GALNTL6: variants seen among roughly 807,000 people sequenced by gnomAD.
GALNTL6 encodes the protein polypeptide N-acetylgalactosaminyltransferase-like 6.
Under a neutral mutation model 73.7 loss-of-function variants are expected in GALNTL6, and 46 were observed. That is an observed-to-expected ratio of 0.62 (90% confidence interval 0.49 to 0.80). The LOEUF is 0.80. Ranked by LOEUF, GALNTL6 falls within the 30% of genes least tolerant of loss-of-function variation. The probability of loss-of-function intolerance (pLI) is 0.00; values close to 1 mark genes in which losing one functional copy is unlikely to be tolerated. For missense variants in GALNTL6, 604 were observed against 755.0 expected (o/e 0.80, Z 2.34); for synonymous variants, 259 against 263.7 (o/e 0.98, Z 0.17).
intron 8 of GALNTL6, among the ~76,000 whole-genome samples, chr4:172,913,599 A>C (rs561992023): frequency 2.6e-5 from 4 of 152,336 alleles, no homozygotes; most frequent in African/African-American, 9.6e-5. Flanking sequence ...ACGCATGCAC[A>C]AGCTTCAGTA....
At chr4:171,822,796 A>G (rs549816302) in intron 2 of GALNTL6, among the ~76,000 whole-genome samples, 4 of 152,340 alleles carry the variant, frequency 2.6e-5, no homozygotes, top group African/African-American at 7.2e-5. Flanking sequence ...TTAAAAAGGC[A>G]TATGTACACT....
chr4:172,242,209 T>A (rs1737459831), intron 3 of GALNTL6, among the ~76,000 whole-genome samples: 1 of 152,166 alleles, frequency 6.6e-6, no homozygotes. Context: ...GAAAATGCAA[T>A]TGCTTGGATA....
intron 2 of GALNTL6, among the ~76,000 whole-genome samples, chr4:171,986,236 T>G (rs1422063565): frequency 6.6e-6 from 1 of 151,278 alleles, no homozygotes; most frequent in Non-Finnish European, 1.5e-5. Flanking sequence ...TGGGGCTGTT[T>G]TATAGGATTT....
At chr4:172,670,072 A>G (rs910509148) in intron 5 of GALNTL6, among the ~76,000 whole-genome samples, 1 of 152,198 alleles carries the variant, frequency 6.6e-6, no homozygotes, top group African/African-American at 2.4e-5. Flanking sequence ...TTTATCATTG[A>G]TGGGCATTTA....
chr4:172,557,503 A>G (rs746410234), intron 5 of GALNTL6, among the ~76,000 whole-genome samples: 2 of 152,186 alleles, frequency 1.3e-5, no homozygotes, highest in Non-Finnish European at 2.9e-5. Flanking sequence ...TATCCAGCTG[A>G]AAAATTTATC....
chr4:172,072,657 A>G (rs1220569129), intron 2 of GALNTL6, among the ~76,000 whole-genome samples: 1 of 152,136 alleles, frequency 6.6e-6, no homozygotes, highest in Non-Finnish European at 1.5e-5. Context: ...TGTTCAGGCT[A>G]AAACTTAGGG....
chr4:172,025,467 A>G (rs1263047278), intron 2 of GALNTL6, among the ~76,000 whole-genome samples: 1 of 151,996 alleles, frequency 6.6e-6, no homozygotes, highest in Non-Finnish European at 1.5e-5. Flanking sequence ...GACTGCCTAG[A>G]GCTGGTGTTG....
chr4:172,815,037 A>G (rs1659270644), intron 7 of GALNTL6, among the ~76,000 whole-genome samples: 1 of 152,164 alleles, frequency 6.6e-6, no homozygotes, highest in African/African-American at 2.4e-5. Context: ...CTTTTTAGTA[A>G]TCTAAGCAAA....
chr4:172,565,875 C>A (rs1187995344), intron 5 of GALNTL6, among the ~76,000 whole-genome samples: 1 of 151,984 alleles, frequency 6.6e-6, no homozygotes, highest in Non-Finnish European at 1.5e-5. Context: ...ATCTAGAGAG[C>A]AAGAGTGATG....
chr4:171,940,728 G>A (rs1358430249), intron 2 of GALNTL6, among the ~76,000 whole-genome samples: 2 of 151,916 alleles, frequency 1.3e-5, no homozygotes, highest in Non-Finnish European at 2.9e-5. Context: ...GGAGGCAGGA[G>A]AATGGTGTAA....
intron 2 of GALNTL6, among the ~76,000 whole-genome samples, chr4:172,150,166 T>C (rs1226784880): frequency 6.6e-6 from 1 of 152,232 alleles, no homozygotes; most frequent in East Asian, 1.9e-4. Context: ...TTTAAGGTTT[T>C]TCCTCAGTCC....
At chr4:172,138,261 C>T (rs1321777748) in intron 2 of GALNTL6, among the ~76,000 whole-genome samples, 4 of 150,502 alleles carry the variant, frequency 2.7e-5, no homozygotes, top group African/African-American at 4.9e-5. Context: ...TTACGCAGAC[C>T]CACAGGAATA....
chr4:172,837,177 G>A (rs534225908), intron 7 of GALNTL6, among the ~76,000 whole-genome samples: 144 of 152,248 alleles, frequency 9.5e-4, no homozygotes, highest in African/African-American at 3.3e-3. Flanking sequence ...GTGGTTTGGG[G>A]TTTTACCTCC....
At position 172,621,270 on chromosome 4, in the gene GALNTL6, T is replaced by G. The variant is rs143793192; in HGVS notation, c.554-188091T>G. On this transcript the variant is annotated intron_variant, in intron 5 of 12. Coordinates refer to ENST00000506823, the MANE Select transcript of GALNTL6 (RefSeq NM_001034845.3). ...GGATCTTGCTATGTTGCCCAGGCTG[T>G]TCTCAAACTCCTGGCCTCAAGCAAT... is the stretch of plus-strand genomic sequence containing the variant. Among the ~76,000 whole-genome samples, 297 of 152,266 alleles carry G rather than the reference T, an allele frequency of 2.0e-3. 2 individuals carry two copies. The South Asian group carries it at 0.021, about 11-fold the overall frequency.
intron 7 of GALNTL6, among the ~76,000 whole-genome samples, chr4:172,850,922 C>T (rs1743781784): frequency 6.6e-6 from 1 of 152,030 alleles, no homozygotes; most frequent in Non-Finnish European, 1.5e-5. Context: ...GCTTCCATGT[C>T]CTCAGGTGCA....
At chr4:172,386,028 G>T (rs578134551) in intron 5 of GALNTL6, among the ~76,000 whole-genome samples, 1 of 152,112 alleles carries the variant, frequency 6.6e-6, no homozygotes, top group Non-Finnish European at 1.5e-5. Context: ...TGCTATAAAA[G>T]AGCTTTGTTC....
chr4:171,830,041 C>T (rs577199109), intron 2 of GALNTL6, among the ~76,000 whole-genome samples: 1 of 152,010 alleles, frequency 6.6e-6, no homozygotes, highest in Admixed American at 6.6e-5. Flanking sequence ...GATATGAAGA[C>T]AGAGGCAGAG....
intron 5 of GALNTL6, among the ~76,000 whole-genome samples, chr4:172,633,703 AATG>A (rs1459856215): frequency 6.6e-6 from 1 of 152,102 alleles, no homozygotes; most frequent in African/African-American, 2.4e-5. Flanking sequence ...CCAGGGGTGG[AATG>A]ATATGTGCTT....
chr4:172,937,249 G>T (rs1333202188), intron 9 of GALNTL6, among the ~76,000 whole-genome samples: 2 of 151,878 alleles, frequency 1.3e-5, no homozygotes, highest in East Asian at 3.9e-4. Context: ...TCTAAAGAAA[G>T]TCTAAAGAAA....
Sources: gnomAD v4.1 joint callset for allele counts (sites outside exome capture counted in the v4.1 genomes callset) on GRCh38, gnomAD v4.1.1 for gene constraint, MANE v1.5 for transcripts, NCBI Gene and HGNC (gene_info 2026-07-23, HGNC 2026-07-21) for gene names.